The following PRKCB variants were observed in gnomAD, a reference collection of about 807,000 sequenced individuals.
PRKCB encodes the protein protein kinase C beta.
PRKCB carries 13 observed loss-of-function variants against 81.5 expected under a neutral mutation model. That is an observed-to-expected ratio of 0.16 (90% confidence interval 0.10 to 0.25). The LOEUF (loss-of-function observed/expected upper bound fraction) is 0.25, where lower values mean the gene tolerates loss of function less well. Ranked by LOEUF, PRKCB falls within the 10% of genes least tolerant of loss-of-function variation. The pLI is 1.00. For synonymous variants in PRKCB, 335 were observed against 321.4 expected, an observed-to-expected ratio of 1.04 and a Z score of -0.45; for missense variants, 509 against 875.7, an observed-to-expected ratio of 0.58 and a Z score of 5.29.
At chr16:23,836,512 C>G (rs1045609384) in intron 1 of PRKCB, among the ~76,000 whole-genome samples, 164 bp downstream of exon 1, 13 of 152,152 alleles carry the variant, frequency 8.5e-5, no homozygotes, top group Non-Finnish European at 1.6e-4. Flanking sequence ...CCCGGATGGA[C>G]AGTCCTGCCG....
At chr16:23,902,281 C>T (rs547048748) in intron 2 of PRKCB, among the ~76,000 whole-genome samples, 1 of 152,178 alleles carries the variant, frequency 6.6e-6, no homozygotes, top group South Asian at 2.1e-4. Context: ...AAAAAATAAC[C>T]TTTTAATTTT....
At chr16:23,899,640 C>CTGTGTG (rs1372260606) in intron 2 of PRKCB, among the ~76,000 whole-genome samples, 1 of 16,488 alleles carries the variant, frequency 6.1e-5, no homozygotes, top group African/African-American at 1.1e-4. Flanking sequence ...CTCTCTCTCT[C>CTGTGTG]TCTCTGTGTG....
intron 2 of PRKCB, among the ~76,000 whole-genome samples, chr16:23,923,314 AAG>A (rs138120138): frequency 0.026 from 3,879 of 152,082 alleles, 159 homozygotes; most frequent in African/African-American, 0.087. Context: ...TCTCAGATGG[AAG>A]AGACTCCCCT....
At chr16:23,895,070 A>G (rs1963355868) in intron 2 of PRKCB, among the ~76,000 whole-genome samples, 1 of 152,106 alleles carries the variant, frequency 6.6e-6, no homozygotes, top group Admixed American at 6.5e-5. Context: ...CTTTTCCAAG[A>G]TTAGTTATTT....
chr16:24,175,971 CAAAAAAAAAAA>C (rs34578906), intron 12 of PRKCB, among the ~76,000 whole-genome samples: 14 of 49,852 alleles, frequency 2.8e-4, no homozygotes, highest in Non-Finnish European at 5.6e-4. Flanking sequence ...GACCCTGTCT[CAAAAAAAAAAA>C]AAAAAAAAAA....
In PRKCB at chr16:24,021,298, CCTTCCTTCCTTCCTT is replaced by C. The variant is rs1965392156; in HGVS notation, c.289-10836_289-10822del. Among the ~76,000 whole-genome samples, 16 of 12,924 alleles carry C rather than the reference CCTTCCTTCCTTCCTT, an allele frequency of 1.2e-3. 2 individuals carry two copies. Among genetic ancestry groups the C allele is most frequent in the Middle Eastern group, 0.1 (1 of 10 alleles). 8.5% of individuals were successfully genotyped at this position (12,924 alleles called of 152,430 possible). On this transcript the variant is annotated intron_variant, in intron 3 of 16. Transcript: ENST00000643927. Reference sequence around the variant, plus strand: ...TTTCTTTTCTCCCTCTCCCTCCCTTCCTTCCTTCCTTCCTTCCTTCCTTCCTTCCTTCCTTCCTTC... The same window carrying C: ...TTTCTTTTCTCCCTCTCCCTCCCTTCCCTTCCTTCCTTCCTTCCTTCCTTC...
intron 10 of PRKCB, among the ~76,000 whole-genome samples, chr16:24,164,147 T>C (rs775553691): frequency 8.5e-5 from 13 of 152,208 alleles, no homozygotes; most frequent in African/African-American, 1.4e-4. Context: ...AAGTGGCAAG[T>C]GTCCCCCTGG....
At chr16:23,945,030 TGAG>T (rs747927806) in intron 2 of PRKCB, among the ~76,000 whole-genome samples, 2 of 151,604 alleles carry the variant, frequency 1.3e-5, no homozygotes, top group Non-Finnish European at 2.9e-5. Context: ...TATTGGGGGA[TGAG>T]GAGAGAGACC....
At chr16:24,153,168 T>C (rs1967104277) in intron 9 of PRKCB, among the ~76,000 whole-genome samples, 1 of 152,166 alleles carries the variant, frequency 6.6e-6, no homozygotes, top group Admixed American at 6.5e-5. Context: ...ATTCTATATG[T>C]CACCCCTTCT....
chr16:24,123,747 A>G, intron 8 of PRKCB, 88 bp from the exon 9 acceptor site: 1 of 1,401,490 alleles, frequency 7.1e-7, no homozygotes, highest in Non-Finnish European at 9.8e-7. Context: ...GAGCTGCAGG[A>G]ACTACAGCTT....
chr16:24,187,734 C>T (rs1395894887), intron 15 of PRKCB, among the ~76,000 whole-genome samples: 2 of 151,974 alleles, frequency 1.3e-5, no homozygotes, highest in Non-Finnish European at 2.9e-5. Flanking sequence ...GCTAGAGTGC[C>T]GTGGAGTGAT....
chr16:23,882,079 CTTTT>C (rs59918178), intron 2 of PRKCB, among the ~76,000 whole-genome samples: 2 of 87,606 alleles, frequency 2.3e-5, no homozygotes, highest in South Asian at 4.4e-4. Context: ...TCTTTCTTTC[CTTTT>C]TTTTTTTTTT....
intron 5 of PRKCB, among the ~76,000 whole-genome samples, chr16:24,074,559 A>G (rs1966155026): frequency 6.6e-6 from 1 of 152,242 alleles, no homozygotes; most frequent in Non-Finnish European, 1.5e-5. Flanking sequence ...ATTTTCTATC[A>G]TATTTTGGAA....
intron 2 of PRKCB, among the ~76,000 whole-genome samples, chr16:23,917,709 G>A (rs1370550316): frequency 1.3e-5 from 2 of 152,242 alleles, no homozygotes; most frequent in African/African-American, 4.8e-5. Context: ...TAAAACAGAG[G>A]CACTGCCATT....
chr16:23,862,091 G>C (rs1473068130), intron 2 of PRKCB, among the ~76,000 whole-genome samples: 1 of 152,140 alleles, frequency 6.6e-6, no homozygotes, highest in Non-Finnish European at 1.5e-5. Flanking sequence ...TGTATGTCGG[G>C]TAATTTTGGA....
intron 7 of PRKCB, among the ~76,000 whole-genome samples, chr16:24,105,337 C>T (rs998012330): frequency 2.6e-5 from 4 of 151,966 alleles, no homozygotes; most frequent in Non-Finnish European, 5.9e-5. Flanking sequence ...GGGTTACAGG[C>T]GTGAGCCACC....
chr16:23,888,211 T>G (rs1432977262), intron 2 of PRKCB, among the ~76,000 whole-genome samples: 1 of 152,214 alleles, frequency 6.6e-6, no homozygotes, highest in Non-Finnish European at 1.5e-5. Flanking sequence ...CTCTCTAGTT[T>G]CAGGCTGCCT....
At chr16:24,089,780 C>A (rs1966354270) in intron 5 of PRKCB, among the ~76,000 whole-genome samples, 1 of 150,400 alleles carries the variant, frequency 6.6e-6, no homozygotes, top group South Asian at 2.1e-4. Flanking sequence ...GTCTCTCTCT[C>A]TCTCTCTCTC....
At chr16:24,157,293 T>A (rs1967175437) in intron 10 of PRKCB, among the ~76,000 whole-genome samples, 2 of 152,094 alleles carry the variant, frequency 1.3e-5, no homozygotes, top group African/African-American at 2.4e-5. Context: ...CCCACCCAAA[T>A]CTCATCTTGA....
Sources: allele counts gnomAD v4.1 joint callset (sites outside exome capture counted in the v4.1 genomes callset), GRCh38; gene constraint gnomAD v4.1.1; transcripts MANE v1.5; gene names NCBI Gene and HGNC (gene_info 2026-07-23, HGNC 2026-07-21).